The following CTSC variants were observed in gnomAD, a reference collection of about 807,000 sequenced individuals.
CTSC encodes dipeptidyl peptidase 1.
A neutral mutation model predicts 40.9 loss-of-function variants in CTSC; 37 were observed. The observed-to-expected ratio is 0.91, with a 90% CI of 0.70 to 1.19. The LOEUF is 1.19. Ranked by LOEUF, CTSC falls within the 50% of genes most tolerant of loss-of-function variation. CTSC has a pLI of 0.00. For missense variants in CTSC, 594 were observed against 567.3 expected, an observed-to-expected ratio of 1.05 and a Z score of -0.48; for synonymous variants, 232 against 207.4, an observed-to-expected ratio of 1.12 and a Z score of -1.02.
intron 3 of CTSC, among the ~76,000 whole-genome samples, chr11:88,311,258 T>G (rs1195255909): frequency 6.6e-6 from 1 of 152,208 alleles, no homozygotes; most frequent in African/African-American, 2.4e-5. Flanking sequence ...AAAGTAAATG[T>G]GTAGCTCTAG....
Position 88,296,278 on chromosome 11 carries a change from A to G in CTSC, c.758-14T>C. ...TGCCACAGGATGCTGGCGATGAAAAAAAGACACATAATCCAAGAGACATCT... is the reference window on the plus strand; with the variant it reads ...TGCCACAGGATGCTGGCGATGAAAAGAAGACACATAATCCAAGAGACATCT... On this transcript the variant is annotated splice_polypyrimidine_tract_variant and intron_variant, in intron 5 of 6. Transcript: ENST00000227266. 1 of 1,613,440 alleles carries G rather than the reference A, an allele frequency of 6.2e-7. No individual in the cohort carries two copies. Among genetic ancestry groups the G allele is most frequent in the Non-Finnish European group, 8.5e-7 (1 of 1,179,590 alleles).
chr11:88,296,522 C>A (rs936217869), intron 5 of CTSC: 12 of 408,168 alleles, frequency 2.9e-5, no homozygotes, highest in Admixed American at 1.4e-4. Context: ...ACTAAAAAAA[C>A]CCCTCATAAT....
chr11:88,293,896 A>G lies in CTSC; in HGVS notation c.*110T>C, dbSNP rs1944268337. The G allele has an allele frequency of 1.6e-6, 2 of 1,279,902 alleles. No individual in the cohort carries two copies. The highest frequency in any genetic ancestry group is 2.4e-5 in the South Asian group (2 of 83,662). The allele number at this position is 1,279,902 out of a possible 1,614,324, so 79.3% of individuals were successfully genotyped here. ...ATTCTGAAGACAAATATCTTCATGGAAATCTATTTGTAAGCTTCTGAGATT... is the reference window on the plus strand; with the variant it reads ...ATTCTGAAGACAAATATCTTCATGGGAATCTATTTGTAAGCTTCTGAGATT... On this transcript the variant is annotated 3_prime_UTR_variant, in exon 7 of 7. Coordinates refer to ENST00000227266, the MANE Select transcript of CTSC (RefSeq NM_001814.6).
intron 2 of CTSC, chr11:88,321,098 CATT>C (rs1937995388): frequency 1.1e-6 from 1 of 928,900 alleles, no homozygotes; most frequent in South Asian, 5.0e-5. Context: ...TAAAAGAACT[CATT>C]AGTAATTTTT....
At chr11:88,315,439 T>C (rs186533937) in intron 2 of CTSC, among the ~76,000 whole-genome samples, 10 of 152,294 alleles carry the variant, frequency 6.6e-5, no homozygotes, top group East Asian at 5.8e-4. Context: ...ATGTGTAACA[T>C]TGTATATGAT....
At chr11:88,320,677 A>C (rs1026721462) in intron 2 of CTSC, 1 of 268,828 alleles carries the variant, frequency 3.7e-6, no homozygotes, top group African/African-American at 2.3e-5. Flanking sequence ...AAATAAATAA[A>C]TAGAATAAAA....
In CTSC at chr11:88,300,609, T is replaced by C. The variant is rs1214951578; in HGVS notation, c.678A>G (p.Gln226=). ...KPAPLTAEIQ[Q]KILHLPTSWD... ...AAGATGTTGGCAAATGCAAAATCTT[T>C]TGCTGTATTTCAGCAGTCAGTGGTG... The change falls in exon 5 of 7, where the codon CAA becomes CAG. Residue 226 remains glutamine (Q), a synonymous_variant. Coordinates refer to ENST00000227266, the MANE Select transcript of CTSC (RefSeq NM_001814.6). 3 of 1,613,890 alleles carry C rather than the reference T, an allele frequency of 1.9e-6. No individual in the cohort carries two copies.
chr11:88,311,356 A>C (rs1445043002), intron 3 of CTSC, among the ~76,000 whole-genome samples: 2 of 151,958 alleles, frequency 1.3e-5, no homozygotes, highest in African/African-American at 4.8e-5. Flanking sequence ...TTTGCAGACA[A>C]TTCATCCTCC....
Position 88,337,725 on chromosome 11 carries a change from C to T in CTSC, c.-53G>A, listed in dbSNP as rs1385408611. 1.9e-6 allele frequency: 3 copies of T among 1,545,140 alleles called. No individual in the cohort carries two copies. The highest frequency in any genetic ancestry group is 1.4e-5 in the African/African-American group (1 of 73,130). On this transcript the variant is annotated 5_prime_UTR_variant, in exon 1 of 7. Coordinates refer to ENST00000227266, the MANE Select transcript of CTSC (RefSeq NM_001814.6). ...AGAATTACCAGGAAGCCGAGCGCTG[C>T]GGGCTAGCGGTGAGTCCACCACGAG...
At chr11:88,328,330 C>T in intron 2 of CTSC, 1 of 696,244 alleles carries the variant, frequency 1.4e-6, no homozygotes, top group Non-Finnish European at 2.6e-6. Flanking sequence ...AATACTCTTA[C>T]AAGTAAACCC....
Position 88,337,529 on chromosome 11 carries a change from G to T in CTSC, c.144C>A (p.Ser48=). 1 of 1,575,752 alleles carries T rather than the reference G, an allele frequency of 6.3e-7. No homozygotes were observed. The highest frequency in any genetic ancestry group is 8.6e-7 in the Non-Finnish European group (1 of 1,159,730). Residue 48 remains serine, a synonymous_variant, in exon 1 of 7, where the codon TCC becomes TCA. Transcript: ENST00000227266. The stretch of plus-strand genomic sequence containing the variant: ...TAACCGAGCAGTTGACATCGCGCTG[G>T]GAACCGCTGGAGCCCACCTGGAAGA... ...TWVFQVGSSG[S]QRDVNCSVMG... is the part of the protein sequence containing the mutation.
intron 2 of CTSC, among the ~76,000 whole-genome samples, chr11:88,319,578 A>G (rs1937951309): frequency 6.6e-6 from 1 of 152,148 alleles, no homozygotes; most frequent in Non-Finnish European, 1.5e-5. Context: ...ACTTTTGGCA[A>G]CAAAATCATA....
chr11:88,297,932 T>C (rs990850267), intron 5 of CTSC: 2 of 152,224 alleles, frequency 1.3e-5, no homozygotes, highest in African/African-American at 4.8e-5. Flanking sequence ...GGTATAACTA[T>C]GTTCAGCAGC....
chr11:88,300,513 T>C lies in CTSC; in HGVS notation c.757+17A>G, dbSNP rs749327530. On this transcript the variant is annotated intron_variant, in intron 5 of 6. Coordinates refer to ENST00000227266, the MANE Select transcript of CTSC (RefSeq NM_001814.6). Reference sequence around the variant, plus strand: ...GTTCCAAACAAATTAACAAAAAACTTAGGCTTATTTTTTTACCTTGGTTTC... The same window carrying C: ...GTTCCAAACAAATTAACAAAAAACTCAGGCTTATTTTTTTACCTTGGTTTC... 6.8e-7 allele frequency: 1 copy of C among 1,465,050 alleles called. No individual in the cohort carries two copies. The highest frequency in any genetic ancestry group is 9.6e-7 in the Non-Finnish European group (1 of 1,044,082). 90.8% of individuals were successfully genotyped at this position (1,465,050 alleles called of 1,614,324 possible). A position where few individuals can be genotyped will look rare whatever the true frequency, so the allele number is the denominator to read the frequency against.
chr11:88,297,882 A>G (rs1423866680), intron 5 of CTSC: 2 of 152,224 alleles, frequency 1.3e-5, no homozygotes, highest in Non-Finnish European at 2.9e-5. Flanking sequence ...TGCAGTAATC[A>G]AATTTCTACA....
chr11:88,337,577 A>C lies in CTSC; in HGVS notation c.96T>G (p.Tyr32Ter), dbSNP rs587777533. 3.7e-5 allele frequency: 58 copies of C among 1,577,364 alleles called. No homozygotes were observed. Among genetic ancestry groups the C allele is most frequent in the Non-Finnish European group, 4.4e-5 (51 of 1,160,772 alleles). ...AGACCCAGGTGCCCAGCAGGTCAAG[A>C]TAGGTGCAGTTGGCAGGTGTGTCGC... ...VRCDTPANCT[Y>*]LDLLGTWVFQ... The change falls in exon 1 of 7, where the codon TAT becomes TAG. Residue 32 changes from tyrosine (Y) to a stop codon, truncating the protein, a stop_gained. Coordinates refer to ENST00000227266, the MANE Select transcript of CTSC (RefSeq NM_001814.6). LOFTEE classifies it high-confidence loss of function.
At chr11:88,297,152 GGTCT>G (rs1483073631) in intron 5 of CTSC, 6 of 152,070 alleles carry the variant, frequency 3.9e-5, no homozygotes, top group African/African-American at 1.4e-4. Flanking sequence ...TCAATTTATG[GGTCT>G]GTGTCTACTT....
At chr11:88,326,205 A>ATG in intron 2 of CTSC, 1 of 1,389,758 alleles carries the variant, frequency 7.2e-7, no homozygotes, top group Non-Finnish European at 9.3e-7. Context: ...TTCCAAAATG[A>ATG]TGTTTACTGT....
chr11:88,328,079 TAAG>T (rs1299430389), intron 2 of CTSC: 2 of 1,469,574 alleles, frequency 1.4e-6, no homozygotes, highest in African/African-American at 2.8e-5. Flanking sequence ...TTGCTTTTAA[TAAG>T]AAAGTTAGAA....
Sources: allele counts gnomAD v4.1 joint callset (sites outside exome capture counted in the v4.1 genomes callset), GRCh38; gene constraint gnomAD v4.1.1; transcripts MANE v1.5; gene names NCBI Gene and HGNC (gene_info 2026-07-23, HGNC 2026-07-21).